SLIT3: variants seen among roughly 807,000 people sequenced by gnomAD.
SLIT3 encodes the protein slit guidance ligand 3, also known as slit homolog 3 protein.
In SLIT3, 68 loss-of-function variants were observed where a neutral mutation model predicts 184.0. That is an observed-to-expected ratio of 0.37 (90% CI 0.30 to 0.45). The LOEUF is 0.45. Among genes scored for constraint, SLIT3 ranks in the 20% least tolerant of loss-of-function variants. The pLI is 1.00. For missense variants in SLIT3, 1,707 were observed against 2,026.0 expected (o/e 0.84, Z 3.02); for synonymous variants, 831 against 828.6 (o/e 1.00, Z -0.05).
rs1581035334 is a variant in SLIT3 at position 169,189,526 on chromosome 5, GGATATATATATATATATATA to G, written c.413+3933_413+3952del. Among the ~76,000 whole-genome samples the G allele has an allele frequency of 3.5e-5, 3 of 86,148 alleles. No individual in the cohort carries two copies. The East Asian group carries it at 8.4e-4, about 24-fold the overall frequency. 56.5% of individuals were successfully genotyped at this position (86,148 alleles called of 152,430 possible). ...TACAGTACTGCTTCTTAGATAGATGGGATATATATATATATATATATATATATATATATATATATATATAT... is the reference window on the plus strand; with the variant it reads ...TACAGTACTGCTTCTTAGATAGATGGTATATATATATATATATATATATAT... On this transcript the variant is annotated intron_variant, in intron 4 of 35. Coordinates refer to ENST00000519560, the MANE Select transcript of SLIT3 (RefSeq NM_003062.4).
At chr5:169,298,804 A>G (rs1767593134) in intron 1 of SLIT3, among the ~76,000 whole-genome samples, 1 of 152,238 alleles carries the variant, frequency 6.6e-6, no homozygotes, top group South Asian at 2.1e-4. Context: ...TGTGAAAGGG[A>G]GTAATAAGCA....
chr5:168,842,820 G>C (rs953278260), intron 6 of SLIT3, among the ~76,000 whole-genome samples: 2 of 152,202 alleles, frequency 1.3e-5, no homozygotes, highest in Non-Finnish European at 2.9e-5. Flanking sequence ...GGCAGCTGGT[G>C]ACTTCCGTTT....
chr5:168,741,061 G>C (rs1376201559), intron 20 of SLIT3, among the ~76,000 whole-genome samples: 1 of 152,152 alleles, frequency 6.6e-6, no homozygotes, highest in Non-Finnish European at 1.5e-5. Flanking sequence ...CAAACTCACG[G>C]TGGACATGAA....
chr5:169,147,464 T>C (rs1327158178), intron 4 of SLIT3, among the ~76,000 whole-genome samples: 1 of 152,166 alleles, frequency 6.6e-6, no homozygotes, highest in East Asian at 1.9e-4. Context: ...TTTGATCGTG[T>C]TAGCCAGGAT....
intron 3 of SLIT3, among the ~76,000 whole-genome samples, chr5:169,211,088 A>T (rs1425829496): frequency 6.6e-6 from 1 of 152,186 alleles, no homozygotes; most frequent in African/African-American, 2.4e-5. Context: ...AGTCACAAGG[A>T]TATTCCTGAA....
intron 4 of SLIT3, among the ~76,000 whole-genome samples, chr5:169,172,692 T>C (rs912610676): frequency 2.0e-5 from 3 of 152,230 alleles, no homozygotes; most frequent in Admixed American, 2.0e-4. Flanking sequence ...TTCCATAAAA[T>C]TGACATCTGC....
At chr5:168,884,213 G>A (rs1241065462) in intron 4 of SLIT3, among the ~76,000 whole-genome samples, 2 of 150,870 alleles carry the variant, frequency 1.3e-5, no homozygotes, top group African/African-American at 2.4e-5. Flanking sequence ...TAATCAATCT[G>A]TAAAGACCGA....
At chr5:169,098,530 T>C (rs554405666) in intron 4 of SLIT3, among the ~76,000 whole-genome samples, 1 of 152,324 alleles carries the variant, frequency 6.6e-6, no homozygotes, top group African/African-American at 2.4e-5. Context: ...ATTCCACACA[T>C]TGCATGACGC....
chr5:168,971,339 T>C (rs1328837245), intron 4 of SLIT3, among the ~76,000 whole-genome samples: 1 of 152,198 alleles, frequency 6.6e-6, no homozygotes, highest in Non-Finnish European at 1.5e-5. Context: ...GTGGATCTAG[T>C]CTGAGGACAA....
At chr5:168,860,402 G>A (rs1175235609) in intron 5 of SLIT3, among the ~76,000 whole-genome samples, 3 of 152,056 alleles carry the variant, frequency 2.0e-5, no homozygotes, top group Non-Finnish European at 4.4e-5. Context: ...TTCCATCTGG[G>A]GCTTCAAATG....
intron 4 of SLIT3, among the ~76,000 whole-genome samples, chr5:169,182,208 C>A (rs750060531): frequency 9.2e-5 from 14 of 152,172 alleles, no homozygotes; most frequent in Non-Finnish European, 1.0e-4. Flanking sequence ...AAAGAAACAT[C>A]ATGAATAAAA....
intron 14 of SLIT3, among the ~76,000 whole-genome samples, chr5:168,771,674 T>C (rs1030555095): frequency 6.6e-6 from 1 of 152,186 alleles, no homozygotes; most frequent in Admixed American, 6.5e-5. Context: ...CTCTGTATTA[T>C]CTCCAAGCCC....
intron 4 of SLIT3, among the ~76,000 whole-genome samples, chr5:169,005,371 G>A (rs763204485): frequency 6.6e-6 from 1 of 152,142 alleles, no homozygotes; most frequent in Non-Finnish European, 1.5e-5. Context: ...TCTAACGTCC[G>A]CATTATGGAG....
intron 1 of SLIT3, among the ~76,000 whole-genome samples, chr5:169,264,798 C>G (rs1259156007): frequency 2.0e-5 from 3 of 152,166 alleles, no homozygotes; most frequent in Non-Finnish European, 4.4e-5. Context: ...GTTACATAAC[C>G]ACATGCAAGT....
At chr5:169,201,613 T>C (rs1763906059) in intron 3 of SLIT3, among the ~76,000 whole-genome samples, 1 of 152,222 alleles carries the variant, frequency 6.6e-6, no homozygotes, top group Admixed American at 6.5e-5. Context: ...CAATAACAAA[T>C]GAACTCCAAA....
At chr5:168,775,723 T>C (rs17665552) in intron 12 of SLIT3, among the ~76,000 whole-genome samples, 30,070 of 152,070 alleles carry the variant, frequency 0.2, 3,122 homozygotes, top group East Asian at 0.35. Flanking sequence ...CTCACTTCTC[T>C]AAGGCGGCAC....
chr5:168,786,542 C>T (rs1292683124), intron 11 of SLIT3, among the ~76,000 whole-genome samples: 3 of 152,180 alleles, frequency 2.0e-5, no homozygotes, highest in Non-Finnish European at 2.9e-5. Flanking sequence ...TTTGCTGTCT[C>T]ACAGTAATGG....
chr5:168,854,668 C>T (rs752415115), intron 5 of SLIT3, among the ~76,000 whole-genome samples: 2 of 152,170 alleles, frequency 1.3e-5, no homozygotes, highest in African/African-American at 2.4e-5. Flanking sequence ...TACGCAGATT[C>T]GAAGCCATCA....
chr5:168,805,768 G>C (rs1204951543), intron 9 of SLIT3, among the ~76,000 whole-genome samples: 1 of 152,200 alleles, frequency 6.6e-6, no homozygotes, highest in African/African-American at 2.4e-5. Flanking sequence ...CCCCCTCTCA[G>C]ATAATGGTAG....
Sources: allele counts gnomAD v4.1 joint callset (sites outside exome capture counted in the v4.1 genomes callset), GRCh38; gene constraint gnomAD v4.1.1; transcripts MANE v1.5; gene names NCBI Gene and HGNC (gene_info 2026-07-23, HGNC 2026-07-21).